The following STAG1 variants were observed in gnomAD, a reference collection of about 807,000 sequenced individuals.
STAG1 encodes cohesin subunit SA-1.
A neutral mutation model predicts 170.9 loss-of-function variants in STAG1; 26 were observed. The ratio of observed to expected loss-of-function variants is 0.15; its 90% CI spans 0.11 to 0.21. The LOEUF is 0.21. Ranked by LOEUF, STAG1 falls within the 10% of genes least tolerant of loss-of-function variation. The pLI is 1.00. For synonymous variants in STAG1, 514 were observed against 497.7 expected (o/e 1.03, Z -0.44); for missense variants, 964 against 1,509.5 (o/e 0.64, Z 5.99).
rs996927899 is a variant in STAG1 at position 136,541,284 on chromosome 3, C to A, written c.471+835G>T. 5.3e-5 allele frequency among the ~76,000 whole-genome samples: 8 copies of A among 152,072 alleles called. No individual in the cohort carries two copies. The East Asian group carries it at 1.5e-3, about 29-fold the overall frequency. ...CCAAAAATAGAAATGTTATTTAAATCAAAAGGCAGATTGTTAAAACTGGAA... is the reference window on the plus strand; with the variant it reads ...CCAAAAATAGAAATGTTATTTAAATAAAAAGGCAGATTGTTAAAACTGGAA... On this transcript the variant is annotated intron_variant, in intron 6 of 33. Coordinates refer to ENST00000383202, the MANE Select transcript of STAG1 (RefSeq NM_005862.3).
chr3:136,433,114 A>C (rs1369484776), intron 16 of STAG1, among the ~76,000 whole-genome samples: 3 of 152,074 alleles, frequency 2.0e-5, no homozygotes, highest in East Asian at 1.9e-4. Context: ...CTCTCCATCT[A>C]TGATTATCTG....
At chr3:136,378,877 C>A (rs112279034) in intron 22 of STAG1, among the ~76,000 whole-genome samples, 178 of 152,218 alleles carry the variant, frequency 1.2e-3, no homozygotes, top group African/African-American at 2.5e-3. Context: ...AACAGTAATG[C>A]AGACTAATTA....
intron 21 of STAG1, among the ~76,000 whole-genome samples, chr3:136,416,766 G>A (rs1416858161): frequency 6.6e-5 from 10 of 151,642 alleles, no homozygotes; most frequent in Admixed American, 6.6e-4. Flanking sequence ...ACATTTGTAG[G>A]GACCAAGAAA....
intron 1 of STAG1, among the ~76,000 whole-genome samples, chr3:136,689,758 T>A (rs528499667): frequency 6.2e-4 from 94 of 152,222 alleles, no homozygotes; most frequent in African/African-American, 2.2e-3. Context: ...AGTCTAACCA[T>A]GGCCAGGCAC....
At position 136,580,878 on chromosome 3, in the gene STAG1, CATTGA is replaced by C. The variant is rs371427679; in HGVS notation, c.298-12022_298-12018del. On this transcript the variant is annotated intron_variant, in intron 4 of 33. Coordinates refer to ENST00000383202, the MANE Select transcript of STAG1 (RefSeq NM_005862.3). Reference sequence around the variant, plus strand: ...TAAGTTTTTCACCAAATTTTTTTCTCATTGAATTATTATTTTATTATTTACTACAT... The same window carrying C: ...TAAGTTTTTCACCAAATTTTTTTCTCATTATTATTTTATTATTTACTACAT... 1.8e-4 allele frequency among the ~76,000 whole-genome samples: 27 copies of C among 152,118 alleles called. No homozygotes were observed. The East Asian group carries it at 4.4e-3, about 25-fold the overall frequency.
intron 3 of STAG1, among the ~76,000 whole-genome samples, chr3:136,621,770 C>A (rs1464734672): frequency 6.6e-6 from 1 of 151,834 alleles, no homozygotes; most frequent in Non-Finnish European, 1.5e-5. Flanking sequence ...TATCAAAAAA[C>A]CAGTCTTGTT....
At chr3:136,455,546 C>T (rs2089085146) in intron 13 of STAG1, among the ~76,000 whole-genome samples, 2 of 152,206 alleles carry the variant, frequency 1.3e-5, no homozygotes, top group South Asian at 4.1e-4. Flanking sequence ...GCCAGAAACA[C>T]CTGGGGTGAA....
chr3:136,478,429 G>C (rs558594390), intron 9 of STAG1, among the ~76,000 whole-genome samples: 1 of 151,952 alleles, frequency 6.6e-6, no homozygotes, highest in Non-Finnish European at 1.5e-5. Flanking sequence ...TTCATCACAA[G>C]GTTATTAGCC....
At chr3:136,413,452 A>G (rs1262839102) in intron 21 of STAG1, among the ~76,000 whole-genome samples, 3 of 151,400 alleles carry the variant, frequency 2.0e-5, no homozygotes, top group Non-Finnish European at 4.4e-5. Flanking sequence ...GATCTGCCAC[A>G]TATTATTATT....
chr3:136,630,843 TA>T, intron 2 of STAG1, 26 bp downstream of exon 2: 9 of 1,502,802 alleles, frequency 6.0e-6, no homozygotes, highest in East Asian at 2.5e-5. Flanking sequence ...TTAAAAAATA[TA>T]AAAAAAAGAA....
chr3:136,362,017 A>G (rs766608154), intron 26 of STAG1, among the ~76,000 whole-genome samples: 17 of 151,728 alleles, frequency 1.1e-4, no homozygotes, highest in Non-Finnish European at 2.4e-4. Flanking sequence ...GTGCAATGGC[A>G]TGATCTTGGA....
In STAG1 at chr3:136,714,023, C is replaced by CA. The variant is rs375709170; in HGVS notation, c.-84+38171dup. Among the ~76,000 whole-genome samples the CA allele has an allele frequency of 2.1e-4, 31 of 151,032 alleles. No individual in the cohort carries two copies. In the East Asian group the frequency reaches 2.5e-3, roughly 12 times the overall value. ...TGGGCAACAGAGCAAGACTCTCTCT[C>CA]AAAAAAAACAAAAAAAGAACAAAAA... On this transcript the variant is annotated intron_variant, in intron 1 of 33. Transcript: ENST00000383202.
chr3:136,498,620 A>G (rs1231277202), intron 9 of STAG1, among the ~76,000 whole-genome samples: 1 of 151,792 alleles, frequency 6.6e-6, no homozygotes, highest in Non-Finnish European at 1.5e-5. Context: ...AGGTGTATAT[A>G]TGTCAAAACT....
intron 9 of STAG1, among the ~76,000 whole-genome samples, chr3:136,496,055 A>T (rs577276609): frequency 2.9e-4 from 44 of 152,120 alleles, no homozygotes; most frequent in Non-Finnish European, 5.4e-4. Context: ...GAGGCAGGAG[A>T]ACCACTTGGA....
At chr3:136,381,645 G>C (rs1003928018) in intron 22 of STAG1, among the ~76,000 whole-genome samples, 1 of 152,168 alleles carries the variant, frequency 6.6e-6, no homozygotes, top group African/African-American at 2.4e-5. Flanking sequence ...GGGGCTGATA[G>C]AAGTCTTTTA....
chr3:136,683,675 T>A (rs994042730), intron 1 of STAG1, among the ~76,000 whole-genome samples: 1 of 151,898 alleles, frequency 6.6e-6, no homozygotes, highest in Non-Finnish European at 1.5e-5. Flanking sequence ...TTTTCGACAA[T>A]GTAATGGAAG....
chr3:136,745,402 A>G (rs1327825559), intron 1 of STAG1, among the ~76,000 whole-genome samples: 2 of 152,212 alleles, frequency 1.3e-5, no homozygotes, highest in Admixed American at 1.3e-4. Context: ...GCCATCCCCA[A>G]CGTTTTTGGT....
chr3:136,488,925 T>G (rs1427816629), intron 9 of STAG1, among the ~76,000 whole-genome samples: 2 of 152,198 alleles, frequency 1.3e-5, no homozygotes, highest in African/African-American at 4.8e-5. Flanking sequence ...TCACCCCATT[T>G]AAGAAAGATG....
chr3:136,500,029 G>T (rs1933385553), intron 9 of STAG1, 194 bp downstream of exon 9: 1 of 474,218 alleles, frequency 2.1e-6, no homozygotes, highest in Non-Finnish European at 3.8e-6. Context: ...GAATTTGGAA[G>T]AGTATAACAG....
Sources: gnomAD v4.1 joint callset for allele counts (sites outside exome capture counted in the v4.1 genomes callset) on GRCh38, gnomAD v4.1.1 for gene constraint, MANE v1.5 for transcripts, NCBI Gene and HGNC (gene_info 2026-07-23, HGNC 2026-07-21) for gene names.